Variants in IMMP2L observed in about 807,000 individuals in gnomAD.
IMMP2L encodes the protein inner mitochondrial membrane peptidase subunit 2, also known as mitochondrial inner membrane protease subunit 2.
A neutral mutation model predicts 19.3 loss-of-function variants in IMMP2L; 18 were observed. That is an observed-to-expected ratio of 0.93 (90% CI 0.64 to 1.38). The LOEUF (loss-of-function observed/expected upper bound fraction) is 1.38. IMMP2L is among the 40% of genes most tolerant of loss of function. IMMP2L has a pLI of 0.00. For synonymous variants in IMMP2L, 76 were observed against 73.0 expected (o/e 1.04, Z -0.21); for missense variants, 233 against 218.2 (o/e 1.07, Z -0.43).
At chr7:110,989,288 A>G (rs1224955008) in intron 3 of IMMP2L, among the ~76,000 whole-genome samples, 1 of 151,972 alleles carries the variant, frequency 6.6e-6, no homozygotes, top group Non-Finnish European at 1.5e-5. Flanking sequence ...TATAATCTCA[A>G]CATTTTAGGA....
Position 110,664,508 on chromosome 7 carries a change from G to T in IMMP2L, c.409-787C>A, listed in dbSNP as rs888464646. 7.2e-5 allele frequency among the ~76,000 whole-genome samples: 11 copies of T among 152,168 alleles called. No individual in the cohort carries two copies. The South Asian group carries it at 1.2e-3, about 17-fold the overall frequency. ...GCGAGGATGGAAGAGGAGGTGAGGGGGAGGACTTAAGGCTGAGCCCAAAGA... is the reference window on the plus strand; with the variant it reads ...GCGAGGATGGAAGAGGAGGTGAGGGTGAGGACTTAAGGCTGAGCCCAAAGA... On this transcript the variant is annotated intron_variant, in intron 5 of 5. Transcript: ENST00000405709.
chr7:111,482,009 T>C (rs1024227179), intron 3 of IMMP2L, among the ~76,000 whole-genome samples: 1 of 152,130 alleles, frequency 6.6e-6, no homozygotes, highest in African/African-American at 2.4e-5. Context: ...ATGGGCAGCA[T>C]AGCAAGACCC....
At chr7:111,271,625 C>T (rs1818480001) in intron 3 of IMMP2L, among the ~76,000 whole-genome samples, 1 of 152,108 alleles carries the variant, frequency 6.6e-6, no homozygotes, top group Non-Finnish European at 1.5e-5. Context: ...CCAAGTGATG[C>T]TGATGTTGCT....
intron 5 of IMMP2L, among the ~76,000 whole-genome samples, chr7:110,754,492 C>T (rs918557049): frequency 1.3e-5 from 2 of 152,018 alleles, no homozygotes; most frequent in Non-Finnish European, 2.9e-5. Context: ...GATTAAATGT[C>T]AGTCCTCTCT....
intron 5 of IMMP2L, among the ~76,000 whole-genome samples, chr7:110,837,853 T>TGG (rs1804660665): frequency 6.6e-6 from 1 of 152,128 alleles, no homozygotes; most frequent in Non-Finnish European, 1.5e-5. Context: ...AATTTAGACA[T>TGG]GAAAATGCCC....
intron 3 of IMMP2L, among the ~76,000 whole-genome samples, chr7:111,377,525 G>T (rs143822593): frequency 6.6e-6 from 1 of 151,918 alleles, no homozygotes; most frequent in East Asian, 1.9e-4. Flanking sequence ...TTCTAGTACG[G>T]CTGTCAGTCA....
intron 3 of IMMP2L, among the ~76,000 whole-genome samples, chr7:111,461,936 A>G (rs887782663): frequency 2.6e-5 from 4 of 152,034 alleles, no homozygotes; most frequent in Non-Finnish European, 4.4e-5. Context: ...AAAGTAGGCT[A>G]TAAGATTGTT....
At chr7:111,472,319 T>C (rs1208660445) in intron 3 of IMMP2L, among the ~76,000 whole-genome samples, 1 of 152,122 alleles carries the variant, frequency 6.6e-6, no homozygotes, top group Non-Finnish European at 1.5e-5. Context: ...GAGAAACTAC[T>C]CTCAACCATT....
chr7:110,893,952 T>G (rs1056627691), intron 4 of IMMP2L, among the ~76,000 whole-genome samples: 2 of 152,036 alleles, frequency 1.3e-5, no homozygotes, highest in East Asian at 1.9e-4. Flanking sequence ...CATGGCAAAC[T>G]TATCTATGAG....
At chr7:111,284,950 A>T (rs1479893153) in intron 3 of IMMP2L, among the ~76,000 whole-genome samples, 2 of 152,172 alleles carry the variant, frequency 1.3e-5, no homozygotes, top group Non-Finnish European at 2.9e-5. Context: ...AATGCAAATT[A>T]ATATGTGCCA....
intron 3 of IMMP2L, among the ~76,000 whole-genome samples, chr7:111,132,874 A>C (rs951878450): frequency 6.6e-6 from 1 of 151,972 alleles, no homozygotes; most frequent in Non-Finnish European, 1.5e-5. Context: ...GGTTAATGAG[A>C]TTCTATGGAA....
intron 3 of IMMP2L, among the ~76,000 whole-genome samples, chr7:111,108,459 C>T (rs2129582218): frequency 6.6e-6 from 1 of 152,146 alleles, no homozygotes; most frequent in South Asian, 2.1e-4. Flanking sequence ...CTACACTGTG[C>T]TATTACTAGA....
rs1416568157 is a variant in IMMP2L, at chr7:111,041,002, C to G, written c.240-77437G>C. On this transcript the variant is annotated intron_variant, in intron 3 of 5. Coordinates refer to ENST00000405709, the MANE Select transcript of IMMP2L (RefSeq NM_032549.4). ...AAAATACTCAACTTTAGCTTGCATT[C>G]ACTTACAAACATACAATATCAACAT... Among the ~76,000 whole-genome samples the G allele has an allele frequency of 3.3e-5, 5 of 152,102 alleles. No individual in the cohort carries two copies. The East Asian group carries it at 9.7e-4, about 29-fold the overall frequency.
At chr7:111,068,566 A>G (rs962368135) in intron 3 of IMMP2L, among the ~76,000 whole-genome samples, 8 of 152,220 alleles carry the variant, frequency 5.3e-5, no homozygotes, top group Admixed American at 1.3e-4. Flanking sequence ...ACATTCTTCA[A>G]TCAAACAAAA....
At chr7:111,067,002 C>T (rs747847846) in intron 3 of IMMP2L, among the ~76,000 whole-genome samples, 12 of 152,172 alleles carry the variant, frequency 7.9e-5, no homozygotes, top group Non-Finnish European at 1.6e-4. Flanking sequence ...AGTACTCTAT[C>T]CATATTGTCA....
chr7:111,493,131 T>A (rs1400866842), intron 2 of IMMP2L, among the ~76,000 whole-genome samples: 1 of 152,164 alleles, frequency 6.6e-6, no homozygotes, highest in African/African-American at 2.4e-5. Context: ...TCTCTTTCAA[T>A]GAAAACATAT....
At chr7:111,128,516 T>A (rs1393614383) in intron 3 of IMMP2L, among the ~76,000 whole-genome samples, 1 of 152,206 alleles carries the variant, frequency 6.6e-6, no homozygotes, top group East Asian at 1.9e-4. Context: ...TAGTATTCTT[T>A]AGACTGGCTA....
At chr7:111,547,794 T>G (rs1230749215) in intron 1 of IMMP2L, among the ~76,000 whole-genome samples, 1 of 151,738 alleles carries the variant, frequency 6.6e-6, no homozygotes, top group Non-Finnish European at 1.5e-5. Flanking sequence ...GATCACGGCT[T>G]ACTGCAACCT....
At chr7:110,754,120 T>A (rs1333764654) in intron 5 of IMMP2L, among the ~76,000 whole-genome samples, 1 of 152,004 alleles carries the variant, frequency 6.6e-6, no homozygotes, top group Non-Finnish European at 1.5e-5. Context: ...AATCTATCTA[T>A]TTTGGGAGGC....
Sources: gnomAD v4.1 joint callset for allele counts (sites outside exome capture counted in the v4.1 genomes callset) on GRCh38, gnomAD v4.1.1 for gene constraint, MANE v1.5 for transcripts, NCBI Gene and HGNC (gene_info 2026-07-23, HGNC 2026-07-21) for gene names.